Variants in LRRC9 observed in about 807,000 individuals in gnomAD.
LRRC9 encodes the protein leucine-rich repeat-containing protein 9.
LRRC9 carries 122 observed loss-of-function variants against 63.2 expected under a neutral mutation model. The ratio of observed to expected loss-of-function variants is 1.93; its 90% CI spans 1.67 to 2.24. LRRC9 has a LOEUF of 2.24. Among genes scored for constraint, LRRC9 ranks in the 30% most tolerant of loss-of-function variants. The probability of loss-of-function intolerance (pLI) is 0.00; values close to 1 mark genes in which losing one functional copy is unlikely to be tolerated. For synonymous variants in LRRC9, 366 were observed against 213.1 expected (o/e 1.72, Z -6.25); for missense variants, 1,071 against 627.7 (o/e 1.71, Z -7.55).
intron 6 of LRRC9, among the ~76,000 whole-genome samples, chr14:59,934,402 C>T (rs2139800145): frequency 6.6e-6 from 1 of 152,196 alleles, no homozygotes; most frequent in South Asian, 2.1e-4. Flanking sequence ...TGGGGCCATC[C>T]AGGTAAAGAT....
At chr14:60,001,968 A>T (rs751444228) in exon 20 of LRRC9, 1 of 653,966 alleles carries the variant, frequency 1.5e-6, no homozygotes, top group Non-Finnish European at 2.7e-6. Context: ...TTTATTAGTT[A>T]TCTCTCTTAC....
intron 8 of LRRC9, among the ~76,000 whole-genome samples, chr14:59,955,243 A>T (rs1239698267): frequency 6.6e-6 from 1 of 152,100 alleles, no homozygotes; most frequent in Non-Finnish European, 1.5e-5. Context: ...TGTACCTCTG[A>T]TAGAATGTGG....
chr14:60,011,745 G>A (rs781434175), intron 23 of LRRC9, among the ~76,000 whole-genome samples: 2 of 152,098 alleles, frequency 1.3e-5, no homozygotes, highest in Non-Finnish European at 2.9e-5. Flanking sequence ...GCAAAGGAAA[G>A]GAAGAATAAA....
At position 59,997,636 on chromosome 14, in the gene LRRC9, T is replaced by A. The variant is rs1888936870; in HGVS notation, c.2212-20T>A. On this transcript the variant is annotated intron_variant, in intron 17 of 31. Transcript: ENST00000445360. ...AAATTATGATTCTCTTAGCATCACT[T>A]TTATTTATATGTGTTGCAGTATAAC... 1 of 654,000 alleles carries A rather than the reference T, an allele frequency of 1.5e-6. No individual in the cohort carries two copies. Among genetic ancestry groups the A allele is most frequent in the South Asian group, 1.7e-5 (1 of 59,896 alleles). The allele number at this position is 654,000 out of a possible 1,614,324, so 40.5% of individuals were successfully genotyped here.
At chr14:59,935,697 G>A (rs955704943) in intron 6 of LRRC9, among the ~76,000 whole-genome samples, 1 of 152,228 alleles carries the variant, frequency 6.6e-6, no homozygotes, top group Non-Finnish European at 1.5e-5. Context: ...TCCTTGAGGA[G>A]CTAATGTTAC....
At position 60,024,495 on chromosome 14, in the gene LRRC9, A is replaced by C. The variant is rs73306087; in HGVS notation, c.3703+1625A>C. Among the ~76,000 whole-genome samples the C allele has an allele frequency of 2.9e-3, 447 of 152,166 alleles. 3 individuals are homozygous for C. Among genetic ancestry groups the C allele is most frequent in the African/African-American group, 0.01 (429 of 41,534 alleles). On this transcript the variant is annotated intron_variant, in intron 27 of 31. Transcript: ENST00000445360. ...AAAGGCAGGTATATCCATCAGTGGG[A>C]CATGTGGGGAGACATCGAGGTAGTT...
At position 60,042,672 on chromosome 14, in the gene LRRC9, G is replaced by C. The variant is rs111548066; in HGVS notation, c.3991-10393G>C. Among the ~76,000 whole-genome samples, 46 of 152,266 alleles carry C rather than the reference G, an allele frequency of 3.0e-4. 1 individual carries two copies. Among genetic ancestry groups the C allele is most frequent in the Middle Eastern group, 6.8e-3 (2 of 294 alleles). On this transcript the variant is annotated intron_variant, in intron 29 of 31. Transcript: ENST00000445360. This position sits in a 1 kb window ranked among gnomAD's most constrained non-coding sequence, Gnocchi z 4.2. ...TCATGGCTTCCCTTGGCTAGGAAAG[G>C]GAATTTCCCCACCCTTTGCACTTCC... is the stretch of plus-strand genomic sequence containing the variant.
chr14:60,008,362 GA>G, intron 23 of LRRC9, 148 bp downstream of exon 23: 1 of 491,258 alleles, frequency 2.0e-6, no homozygotes, highest in Non-Finnish European at 3.6e-6. Flanking sequence ...GCTTATTTTA[GA>G]TCTGGGTTTT....
In LRRC9 at chr14:59,923,120, T is replaced by G. The variant is rs1426718498; in HGVS notation, c.-34+3237T>G. ...GGCCAACAGGACATTCACCTCTTGA[T>G]GAATTCAGTAACTTCATCTGGAACC... On this transcript the variant is annotated intron_variant, in intron 1 of 31. Transcript: ENST00000445360. The surrounding 1 kb of genome is among the most constrained non-coding windows in gnomAD (Gnocchi z 4.2). 6.6e-6 allele frequency among the ~76,000 whole-genome samples: 1 copy of G among 152,190 alleles called. No individual in the cohort carries two copies. The highest frequency in any genetic ancestry group is 1.5e-5 in the Non-Finnish European group (1 of 68,022).
intron 7 of LRRC9, among the ~76,000 whole-genome samples, chr14:59,939,327 T>G (rs747231323): frequency 7.3e-5 from 11 of 151,534 alleles, no homozygotes; most frequent in Non-Finnish European, 1.3e-4. Context: ...AAGACAGGAG[T>G]GGTAGAGGCC....
intron 1 of LRRC9, among the ~76,000 whole-genome samples, chr14:59,926,914 G>A (rs1326297068): frequency 6.6e-6 from 1 of 152,100 alleles, no homozygotes; most frequent in Non-Finnish European, 1.5e-5. Context: ...TGTACCCATA[G>A]TAGAAATAAT....
chr14:60,032,015 AC>A lies in LRRC9; in HGVS notation c.3943del (p.Asp1316ThrfsTer36), dbSNP rs1276411910. 3 of 700,690 alleles carry A rather than the reference AC, an allele frequency of 4.3e-6. No individual in the cohort carries two copies. In the East Asian group the frequency reaches 8.1e-5, roughly 19 times the overall value. The allele number at this position is 700,690 out of a possible 1,614,324, so 43.4% of individuals were successfully genotyped here. On this transcript the variant is annotated frameshift_variant, in exon 29 of 32. Coordinates refer to ENST00000445360, the Ensembl canonical transcript of LRRC9. LOFTEE classifies it high-confidence loss of function. ...AATAGGATATCACAGAACTGGAAAAACTTGACGTTATCTCTACTCTCAGGGA... is the reference window on the plus strand; with the variant it reads ...AATAGGATATCACAGAACTGGAAAAATTGACGTTATCTCTACTCTCAGGGA...
intron 1 of LRRC9, among the ~76,000 whole-genome samples, chr14:59,924,250 C>T (rs1566774341): frequency 1.3e-5 from 2 of 152,136 alleles, no homozygotes; most frequent in South Asian, 2.1e-4. Context: ...TCTCTTTCCA[C>T]GAGTAGAGGT....
chr14:60,001,902 C>T, intron 19 of LRRC9, 64 bp from the exon 20 acceptor site: 1 of 444,888 alleles, frequency 2.2e-6, no homozygotes, highest in Non-Finnish European at 4.0e-6. Flanking sequence ...ATAATTTTAA[C>T]TATATATCAA....
intron 27 of LRRC9, among the ~76,000 whole-genome samples, chr14:60,025,493 T>C (rs1006679040): frequency 6.6e-6 from 1 of 151,938 alleles, no homozygotes; most frequent in Non-Finnish European, 1.5e-5. Flanking sequence ...TGGAGGAGTA[T>C]GTTCTGATGC....
chr14:59,983,332 T>C (rs527392595), intron 16 of LRRC9, among the ~76,000 whole-genome samples: 1 of 152,330 alleles, frequency 6.6e-6, no homozygotes, highest in South Asian at 2.1e-4. Context: ...ATGTGCAGCA[T>C]AATAAGAGCA....
rs776479287 is a variant in LRRC9 at position 60,027,845 on chromosome 14, T to C, written c.3704-39T>C. 57 of 625,604 alleles carry C rather than the reference T, an allele frequency of 9.1e-5. No homozygotes were observed. The highest frequency in any genetic ancestry group is 1.5e-4 in the Non-Finnish European group (51 of 348,152). The allele number at this position is 625,604 out of a possible 1,614,324, so 38.8% of individuals were successfully genotyped here. A position where few individuals can be genotyped will look rare whatever the true frequency, so the allele number is the denominator to read the frequency against. On this transcript the variant is annotated intron_variant, in intron 27 of 31. Coordinates refer to ENST00000445360, the Ensembl canonical transcript of LRRC9. The surrounding 1 kb of genome is among the most constrained non-coding windows in gnomAD (Gnocchi z 4.0). ...GTAGATATCCTTTACTTCAGGAAGTTTGGGCTCACTTGATATATCATGACT... is the reference window on the plus strand; with the variant it reads ...GTAGATATCCTTTACTTCAGGAAGTCTGGGCTCACTTGATATATCATGACT...
rs181985913 is a variant in LRRC9, at chr14:60,045,522, G to A, written c.3991-7543G>A. Reference sequence around the variant, plus strand: ...TTCTACATATAAATGAAAACATGTGGTGTTTGGTTTTCTGTTCCTGTGTTA... The same window carrying A: ...TTCTACATATAAATGAAAACATGTGATGTTTGGTTTTCTGTTCCTGTGTTA... On this transcript the variant is annotated intron_variant, in intron 29 of 31. Coordinates refer to ENST00000445360, the Ensembl canonical transcript of LRRC9. Among the ~76,000 whole-genome samples, 278 of 152,224 alleles carry A rather than the reference G, an allele frequency of 1.8e-3. 3 individuals are homozygous for A. The highest frequency in any genetic ancestry group is 3.1e-3 in the Non-Finnish European group (213 of 68,008).
chr14:59,985,972 T>G (rs219344), intron 17 of LRRC9, among the ~76,000 whole-genome samples: 2 of 151,900 alleles, frequency 1.3e-5, no homozygotes, highest in East Asian at 1.9e-4. Flanking sequence ...TCTTCTTTCT[T>G]TCTTTCTCAT....
Sources: allele counts gnomAD v4.1 joint callset (sites outside exome capture counted in the v4.1 genomes callset), GRCh38; gene constraint gnomAD v4.1.1; non-coding constraint Gnocchi (gnomAD v3.1); transcripts MANE v1.5; gene names NCBI Gene and HGNC (gene_info 2026-07-23, HGNC 2026-07-21).